Variants in SETD2 observed in about 807,000 individuals in gnomAD.
SETD2 encodes histone-lysine N-methyltransferase SETD2.
In SETD2, 31 loss-of-function variants were observed where a neutral mutation model predicts 242.1. The observed-to-expected ratio is 0.13, with a 90% CI of 0.10 to 0.17. SETD2 has a LOEUF of 0.17. Among genes scored for constraint, SETD2 ranks in the 10% least tolerant of loss-of-function variants. The pLI, the probability that SETD2 is intolerant of heterozygous loss-of-function variation, is 1.00. For missense variants in SETD2, 2,481 were observed against 3,046.3 expected, an observed-to-expected ratio of 0.81 and a Z score of 4.37; for synonymous variants, 1,006 against 1,066.5, an observed-to-expected ratio of 0.94 and a Z score of 1.11.
intron 11 of SETD2, 41 bp downstream of exon 11, chr3:47,086,154 A>G (rs373296601): frequency 5.6e-6 from 9 of 1,606,096 alleles, no homozygotes; most frequent in Admixed American, 1.7e-5. Context: ...GGCAATCAAT[A>G]TAACAGTTTT....
At position 47,032,655 on chromosome 3, in the gene SETD2, TAATCCCGGCACTTTAGG is replaced by T. The variant is rs1381022715; in HGVS notation, c.7350+4994_7350+5010del. Among the ~76,000 whole-genome samples the T allele has an allele frequency of 8.5e-5, 13 of 152,250 alleles. No homozygotes were observed. In the South Asian group the frequency reaches 1.0e-3, roughly 12 times the overall value. ...AGCTGGGCACGGTGGCTCACACCTATAATCCCGGCACTTTAGGAGGCCGAGACAAGTGGATCACCTGA... is the reference window on the plus strand; with the variant it reads ...AGCTGGGCACGGTGGCTCACACCTATAGGCCGAGACAAGTGGATCACCTGA... On this transcript the variant is annotated intron_variant, in intron 18 of 20. Coordinates refer to ENST00000409792, the MANE Select transcript of SETD2 (RefSeq NM_014159.7).
At chr3:47,084,761 C>T (rs1267338419) in intron 11 of SETD2, among the ~76,000 whole-genome samples, 4 of 150,168 alleles carry the variant, frequency 2.7e-5, no homozygotes, top group East Asian at 4.0e-4. Flanking sequence ...GATGGAGTTT[C>T]GCTCTTGTTG....
At chr3:47,024,720 TA>T (rs1314658482) in intron 18 of SETD2, among the ~76,000 whole-genome samples, 18 of 152,234 alleles carry the variant, frequency 1.2e-4, no homozygotes, top group African/African-American at 4.1e-4. Context: ...CTAAAACTAC[TA>T]TTTTAACATA....
At chr3:47,147,917 CAAAAAA>C (rs547475994) in intron 1 of SETD2, among the ~76,000 whole-genome samples, 5 of 52,146 alleles carry the variant, frequency 9.6e-5, no homozygotes, top group Middle Eastern at 0.01. Context: ...GACTCTGTCT[CAAAAAA>C]AAAAAAAAAA....
At chr3:47,028,675 G>C (rs541461415) in intron 18 of SETD2, among the ~76,000 whole-genome samples, 1 of 152,290 alleles carries the variant, frequency 6.6e-6, no homozygotes, top group African/African-American at 2.4e-5. Flanking sequence ...GAAAATAGCA[G>C]GCAACTATTA....
chr3:47,133,526 A>G (rs1205053777), intron 1 of SETD2, among the ~76,000 whole-genome samples: 1 of 152,186 alleles, frequency 6.6e-6, no homozygotes, highest in Non-Finnish European at 1.5e-5. Context: ...TGAGTCCAGG[A>G]GTTGGAGACC....
chr3:47,044,465 A>G (rs763401575), intron 16 of SETD2, among the ~76,000 whole-genome samples: 1 of 149,972 alleles, frequency 6.7e-6, no homozygotes, highest in Non-Finnish European at 1.5e-5. Context: ...CTGTTATTTC[A>G]CATATAGTAT....
At chr3:47,101,307 G>C in intron 8 of SETD2, 151 bp downstream of exon 8, 1 of 549,408 alleles carries the variant, frequency 1.8e-6, no homozygotes, top group Non-Finnish European at 3.2e-6. Context: ...TCATACAGTA[G>C]AAAAACACAC....
intron 5 of SETD2, among the ~76,000 whole-genome samples, chr3:47,110,221 C>T (rs1386839926): frequency 6.6e-6 from 1 of 152,044 alleles, no homozygotes; most frequent in Non-Finnish European, 1.5e-5. Flanking sequence ...AATAGATCAA[C>T]CCACAGAAAC....
intron 1 of SETD2, among the ~76,000 whole-genome samples, chr3:47,157,799 G>A (rs1230112170): frequency 2.0e-5 from 3 of 151,810 alleles, no homozygotes; most frequent in Admixed American, 2.0e-4. Flanking sequence ...CTTAAACCCA[G>A]GGGGCAGAGG....
At chr3:47,032,678 G>C (rs552108824) in intron 18 of SETD2, among the ~76,000 whole-genome samples, 1 of 152,078 alleles carries the variant, frequency 6.6e-6, no homozygotes, top group Admixed American at 6.5e-5. Context: ...TTAGGAGGCC[G>C]AGACAAGTGG....
chr3:47,049,592 T>TG (rs1254260496), intron 15 of SETD2, among the ~76,000 whole-genome samples: 1 of 146,814 alleles, frequency 6.8e-6, no homozygotes, highest in African/African-American at 2.5e-5. Flanking sequence ...CAGGATGGCC[T>TG]CGATCTCCTG....
chr3:47,142,163 G>C (rs910165718), intron 1 of SETD2, among the ~76,000 whole-genome samples: 1 of 152,086 alleles, frequency 6.6e-6, no homozygotes, highest in Non-Finnish European at 1.5e-5. Context: ...CGTTCAATGT[G>C]GTAGTATGCA....
At chr3:47,135,249 A>T (rs1184475233) in intron 1 of SETD2, among the ~76,000 whole-genome samples, 1 of 152,106 alleles carries the variant, frequency 6.6e-6, no homozygotes, top group Non-Finnish European at 1.5e-5. Flanking sequence ...ATGAAAACAC[A>T]CCTTTAGTAT....
intron 12 of SETD2, among the ~76,000 whole-genome samples, chr3:47,078,303 A>G (rs1314125686): frequency 6.6e-6 from 1 of 152,192 alleles, no homozygotes; most frequent in African/African-American, 2.4e-5. Context: ...GAAGAACACT[A>G]CTGTAATATT....
At chr3:47,034,120 C>A (rs1415332158) in intron 18 of SETD2, among the ~76,000 whole-genome samples, 1 of 152,178 alleles carries the variant, frequency 6.6e-6, no homozygotes, top group Non-Finnish European at 1.5e-5. Context: ...ATACATTTGG[C>A]AGCTTAATTC....
At chr3:47,029,338 G>A (rs888790110) in intron 18 of SETD2, among the ~76,000 whole-genome samples, 16 of 151,824 alleles carry the variant, frequency 1.1e-4, no homozygotes, top group Non-Finnish European at 2.4e-4. Context: ...GATTATACAG[G>A]TGTGAGCCAC....
intron 9 of SETD2, among the ~76,000 whole-genome samples, chr3:47,090,755 AAGG>A (rs1346202315): frequency 6.6e-6 from 1 of 152,242 alleles, no homozygotes; most frequent in African/African-American, 2.4e-5. Context: ...GCTAGAGACT[AAGG>A]AGAAGACAGG....
chr3:47,057,636 C>G, intron 14 of SETD2, 146 bp from the exon 15 acceptor site: 2 of 621,468 alleles, frequency 3.2e-6, no homozygotes, highest in Non-Finnish European at 5.6e-6. Flanking sequence ...CTCAAAATTA[C>G]TCAGCTTGTC....
Sources: gnomAD v4.1 joint callset for allele counts (sites outside exome capture counted in the v4.1 genomes callset) on GRCh38, gnomAD v4.1.1 for gene constraint, MANE v1.5 for transcripts, NCBI Gene and HGNC (gene_info 2026-07-23, HGNC 2026-07-21) for gene names.